SCHIP1: variants seen among roughly 807,000 people sequenced by gnomAD.
The protein encoded by SCHIP1 is schwannomin interacting protein 1, also known as schwannomin-interacting protein 1.
Under a neutral mutation model 29.7 loss-of-function variants are expected in SCHIP1, and 8 were observed. The ratio of observed to expected loss-of-function variants is 0.27; its 90% CI spans 0.16 to 0.49. SCHIP1 has a LOEUF of 0.49. Among genes scored for constraint, SCHIP1 ranks in the 20% least tolerant of loss-of-function variants. The probability of loss-of-function intolerance (pLI) is 0.99; values close to 1 mark genes in which losing one functional copy is unlikely to be tolerated. For missense variants in SCHIP1, 193 were observed against 294.6 expected (o/e 0.66, Z 2.52); for synonymous variants, 76 against 94.9 (o/e 0.80, Z 1.16).
chr3:159,350,578 A>T, the SCHIP1 span, among the ~76,000 whole-genome samples: 1 of 152,164 alleles, frequency 6.6e-6, no homozygotes, highest in Non-Finnish European at 1.5e-5. Context: ...TGATATTTTT[A>T]ATATTTATTT....
the SCHIP1 span, among the ~76,000 whole-genome samples, chr3:159,591,768 G>C: frequency 6.6e-6 from 1 of 151,874 alleles, no homozygotes; most frequent in Non-Finnish European, 1.5e-5. Context: ...AGGCCTGTCG[G>C]GGGGTTGGGG....
chr3:159,694,856 C>G, the SCHIP1 span, among the ~76,000 whole-genome samples: 1 of 152,158 alleles, frequency 6.6e-6, no homozygotes, highest in Non-Finnish European at 1.5e-5. Flanking sequence ...TCTCAATTAC[C>G]TTATGATTCT....
the SCHIP1 span, among the ~76,000 whole-genome samples, chr3:159,707,580 C>A: frequency 6.6e-6 from 1 of 152,084 alleles, no homozygotes; most frequent in Non-Finnish European, 1.5e-5. Context: ...ATTCTTGGAT[C>A]CTGAAAATCT....
At chr3:159,404,295 G>A in the SCHIP1 span, among the ~76,000 whole-genome samples, 3 of 152,094 alleles carry the variant, frequency 2.0e-5, no homozygotes, top group Non-Finnish European at 4.4e-5. Context: ...TTAGGTACTA[G>A]CTAGGCCACA....
At chr3:159,346,715 G>A in the SCHIP1 span, among the ~76,000 whole-genome samples, 13 of 152,216 alleles carry the variant, frequency 8.5e-5, no homozygotes, top group Admixed American at 2.6e-4. Context: ...AGGGAAATAC[G>A]TGTGTGTGGG....
At chr3:159,793,626 C>T in the SCHIP1 span, among the ~76,000 whole-genome samples, 1 of 152,086 alleles carries the variant, frequency 6.6e-6, no homozygotes. Flanking sequence ...GGTGTCATCT[C>T]GTCTCACTGC....
At chr3:159,306,135 A>G in the SCHIP1 span, among the ~76,000 whole-genome samples, 1 of 152,342 alleles carries the variant, frequency 6.6e-6, no homozygotes, top group South Asian at 2.1e-4. Context: ...GTGGATATTA[A>G]TCACCATCTG....
the SCHIP1 span, among the ~76,000 whole-genome samples, chr3:159,477,920 CTTTTTTTTT>C: frequency 1.0e-5 from 1 of 98,302 alleles, no homozygotes; most frequent in African/African-American, 4.0e-5. Context: ...CATTTTAAAT[CTTTTTTTTT>C]TTTTTTTTTT....
chr3:159,326,348 A>G, the SCHIP1 span, among the ~76,000 whole-genome samples: 2 of 152,288 alleles, frequency 1.3e-5, no homozygotes, highest in African/African-American at 4.8e-5. Context: ...ACCTTATTCT[A>G]TTGGCTAAAA....
the SCHIP1 span, among the ~76,000 whole-genome samples, chr3:159,814,842 G>C: frequency 6.6e-6 from 1 of 152,186 alleles, no homozygotes; most frequent in Non-Finnish European, 1.5e-5. Context: ...TTGAAAAATG[G>C]GTATGCTTTG....
chr3:159,790,079 C>G, the SCHIP1 span, among the ~76,000 whole-genome samples: 2 of 152,182 alleles, frequency 1.3e-5, no homozygotes, highest in Non-Finnish European at 2.9e-5. Flanking sequence ...GGACTTTATA[C>G]TTGGATTAAG....
the SCHIP1 span, among the ~76,000 whole-genome samples, chr3:159,638,481 G>A: frequency 1.3e-5 from 2 of 152,100 alleles, no homozygotes; most frequent in African/African-American, 4.8e-5. Context: ...CACCTAGCAA[G>A]GGCTGCTCAT....
chr3:159,823,715 T>A, the SCHIP1 span, among the ~76,000 whole-genome samples: 80 of 152,346 alleles, frequency 5.3e-4, no homozygotes, highest in African/African-American at 1.4e-3. Flanking sequence ...AATGACTGTA[T>A]GTCTGGTTTC....
At chr3:159,352,356 C>T in the SCHIP1 span, among the ~76,000 whole-genome samples, 1 of 152,198 alleles carries the variant, frequency 6.6e-6, no homozygotes, top group Non-Finnish European at 1.5e-5. Context: ...TAGGTAGGTT[C>T]TTCTCTTCTT....
the SCHIP1 span, among the ~76,000 whole-genome samples, chr3:159,828,423 A>ATATATG: frequency 9.5e-6 from 1 of 104,832 alleles, no homozygotes; most frequent in African/African-American, 3.3e-5. Context: ...ATATACGTAT[A>ATATATG]TATATACGTA....
chr3:159,668,376 C>CAAAA, the SCHIP1 span, among the ~76,000 whole-genome samples: 530 of 46,372 alleles, frequency 0.011, 41 homozygotes, highest in African/African-American at 0.046. Flanking sequence ...GACTCCGTCT[C>CAAAA]AAAAAAAAAA....
chr3:159,651,020 G>A, the SCHIP1 span, among the ~76,000 whole-genome samples: 1 of 152,092 alleles, frequency 6.6e-6, no homozygotes, highest in African/African-American at 2.4e-5. Flanking sequence ...AATCTATACA[G>A]TAAGATGAAT....
At chr3:159,715,237 A>T in the SCHIP1 span, among the ~76,000 whole-genome samples, 1 of 152,244 alleles carries the variant, frequency 6.6e-6, no homozygotes, top group Admixed American at 6.5e-5. Context: ...CCAAAACCCC[A>T]TCTATACATC....
chr3:159,728,399 G>A, the SCHIP1 span, among the ~76,000 whole-genome samples: 3 of 152,130 alleles, frequency 2.0e-5, no homozygotes, highest in South Asian at 6.2e-4. Context: ...AGCTTCACAG[G>A]GGACCCTAAG....
Sources: gnomAD v4.1 joint callset for allele counts (sites outside exome capture counted in the v4.1 genomes callset) on GRCh38, gnomAD v4.1.1 for gene constraint, MANE v1.5 for transcripts, NCBI Gene and HGNC (gene_info 2026-07-23, HGNC 2026-07-21) for gene names.